Variants in PXDNL observed in about 807,000 individuals in gnomAD.
PXDNL encodes probable oxidoreductase PXDNL.
Under a neutral mutation model 150.8 loss-of-function variants are expected in PXDNL, and 145 were observed. The ratio of observed to expected loss-of-function variants is 0.96; its 90% CI spans 0.84 to 1.10. The LOEUF (loss-of-function observed/expected upper bound fraction) is 1.10, where lower values mean the gene tolerates loss of function less well. Ranked by LOEUF, PXDNL falls within the 50% of genes least tolerant of loss-of-function variation. PXDNL has a pLI of 0.00. For missense variants in PXDNL, 2,087 were observed against 1,873.9 expected (o/e 1.11, Z -2.10); for synonymous variants, 757 against 725.7 (o/e 1.04, Z -0.69).
chr8:51,619,589 A>G (rs1040259193), intron 2 of PXDNL, among the ~76,000 whole-genome samples: 1 of 152,118 alleles, frequency 6.6e-6, no homozygotes, highest in Non-Finnish European at 1.5e-5. Context: ...CATGAGATCC[A>G]GTTGTTTAAA....
At chr8:51,419,182 G>T (rs563280239) in intron 14 of PXDNL, among the ~76,000 whole-genome samples, 6 of 152,286 alleles carry the variant, frequency 3.9e-5, no homozygotes, top group Non-Finnish European at 8.8e-5. Flanking sequence ...CACTTACCTA[G>T]GAATTTCAGA....
intron 1 of PXDNL, among the ~76,000 whole-genome samples, chr8:51,788,313 GT>G (rs1204575019): frequency 6.6e-6 from 1 of 152,222 alleles, no homozygotes; most frequent in Non-Finnish European, 1.5e-5. Flanking sequence ...TGAAATCATT[GT>G]CACCCAGAAT....
rs529888995 is a variant in PXDNL, at chr8:51,471,187, A to C, written c.812+1000T>G. Reference sequence around the variant, plus strand: ...AAAAGTGAGCAAAGGATATGAACAGACACTTCTCAAAAGAAGACATTTATG... The same window carrying C: ...AAAAGTGAGCAAAGGATATGAACAGCCACTTCTCAAAAGAAGACATTTATG... On this transcript the variant is annotated intron_variant, in intron 8 of 22. Coordinates refer to ENST00000356297, the MANE Select transcript of PXDNL (RefSeq NM_144651.5). Among the ~76,000 whole-genome samples the C allele has an allele frequency of 5.5e-4, 83 of 151,968 alleles. No individual in the cohort carries two copies. The South Asian group carries it at 0.016, about 30-fold the overall frequency.
At chr8:51,717,908 G>A (rs1476412385) in intron 1 of PXDNL, among the ~76,000 whole-genome samples, 1 of 152,138 alleles carries the variant, frequency 6.6e-6, no homozygotes, top group Non-Finnish European at 1.5e-5. Flanking sequence ...TTATAAGGGG[G>A]GTTTCCAAAA....
Position 51,471,503 on chromosome 8 carries a change from T to G in PXDNL, c.812+684A>C, listed in dbSNP as rs575932618. Among the ~76,000 whole-genome samples, 92 of 152,236 alleles carry G rather than the reference T, an allele frequency of 6.0e-4. No individual in the cohort carries two copies. In the South Asian group the frequency reaches 6.6e-3, roughly 11 times the overall value. ...CCTATACTGATTTACCATAGGAAAGTTGCAATGTCAAATACGAACTATCAG... is the reference window on the plus strand; with the variant it reads ...CCTATACTGATTTACCATAGGAAAGGTGCAATGTCAAATACGAACTATCAG... On this transcript the variant is annotated intron_variant, in intron 8 of 22. Coordinates refer to ENST00000356297, the MANE Select transcript of PXDNL (RefSeq NM_144651.5).
intron 12 of PXDNL, among the ~76,000 whole-genome samples, chr8:51,428,915 C>T (rs1262158995): frequency 5.3e-5 from 1 of 18,750 alleles, no homozygotes; most frequent in African/African-American, 9.1e-5. Flanking sequence ...AAGTTATAGA[C>T]GGAGAAAATA....
intron 8 of PXDNL, among the ~76,000 whole-genome samples, chr8:51,465,532 A>G (rs766326271): frequency 6.6e-6 from 1 of 152,206 alleles, no homozygotes. Context: ...CCTATTCAAC[A>G]TAGTACTGGA....
chr8:51,515,728 G>T (rs985749885), intron 4 of PXDNL, among the ~76,000 whole-genome samples: 1 of 152,162 alleles, frequency 6.6e-6, no homozygotes, highest in Non-Finnish European at 1.5e-5. Context: ...GTTCTTACTT[G>T]TCACAAGTGG....
At chr8:51,643,766 A>C (rs1202295232) in intron 2 of PXDNL, among the ~76,000 whole-genome samples, 4 of 152,134 alleles carry the variant, frequency 2.6e-5, no homozygotes, top group Non-Finnish European at 5.9e-5. Flanking sequence ...AACCTACAGA[A>C]TGGGAGAAAA....
intron 1 of PXDNL, among the ~76,000 whole-genome samples, chr8:51,735,533 T>G (rs796386390): frequency 0.041 from 164 of 3,994 alleles, 1 homozygote; most frequent in East Asian, 0.24. Context: ...ATTGTTTTTT[T>G]TTTTTTTTTT....
At chr8:51,539,227 T>C (rs1812158064) in intron 4 of PXDNL, among the ~76,000 whole-genome samples, 1 of 152,128 alleles carries the variant, frequency 6.6e-6, no homozygotes, top group Non-Finnish European at 1.5e-5. Flanking sequence ...GAGATGTTTT[T>C]ATTATTTTTA....
At chr8:51,345,774 T>C in intron 20 of PXDNL, 59 bp downstream of exon 20, 1 of 998,206 alleles carries the variant, frequency 1.0e-6, no homozygotes. Flanking sequence ...AAACAAATTG[T>C]AGGTTTGAAG....
At chr8:51,669,535 T>C (rs928233444) in intron 1 of PXDNL, among the ~76,000 whole-genome samples, 2 of 152,176 alleles carry the variant, frequency 1.3e-5, no homozygotes, top group African/African-American at 2.4e-5. Flanking sequence ...TCTTAAGAGA[T>C]GGTTGGTTGG....
chr8:51,559,841 C>G (rs943159612), intron 3 of PXDNL, among the ~76,000 whole-genome samples: 1 of 151,834 alleles, frequency 6.6e-6, no homozygotes, highest in Admixed American at 6.6e-5. Context: ...AAGAAGAAAG[C>G]AAGAAGTCAA....
intron 19 of PXDNL, 32 bp downstream of exon 19, chr8:51,371,841 A>G (rs1161110933): frequency 2.6e-6 from 4 of 1,540,576 alleles, no homozygotes; most frequent in Non-Finnish European, 3.6e-6. Context: ...ATGCACATCA[A>G]TCCAGATCGT....
At chr8:51,540,940 G>A in intron 4 of PXDNL, among the ~76,000 whole-genome samples, 1 of 151,170 alleles carries the variant, frequency 6.6e-6, no homozygotes, top group African/African-American at 2.5e-5. Context: ...CTTGGGTGCA[G>A]ATGTTGTTAT....
Position 51,409,488 on chromosome 8 carries a change from G to A in PXDNL, c.2136C>T (p.Arg712=). ...LIANLSGCTA[R]RPLPNCSNRC... is the part of the protein sequence containing the mutation. ...GGTTGGAGCAGTTTGGCAGAGGCCT[G>A]CGAGCTGTGCATCCAGATAAATTGG... Residue 712 remains arginine (R), a synonymous_variant, in exon 17 of 23, where the codon CGC becomes CGT. Transcript: ENST00000356297. 1.2e-6 allele frequency: 2 copies of A among 1,612,252 alleles called. No homozygotes were observed. Among genetic ancestry groups the A allele is most frequent in the Non-Finnish European group, 1.7e-6 (2 of 1,179,534 alleles).
chr8:51,665,389 T>G (rs1815363032), intron 1 of PXDNL, among the ~76,000 whole-genome samples: 1 of 152,204 alleles, frequency 6.6e-6, no homozygotes, highest in South Asian at 2.1e-4. Context: ...GCATTTAGAA[T>G]AGTGGCTAAT....
intron 11 of PXDNL, 94 bp from the exon 12 acceptor site, chr8:51,447,256 T>A: frequency 7.4e-7 from 1 of 1,348,264 alleles, no homozygotes; most frequent in Non-Finnish European, 1.0e-6. Flanking sequence ...GGCCTGTCTT[T>A]CAGGAAATTC....
Sources: gnomAD v4.1 joint callset for allele counts (sites outside exome capture counted in the v4.1 genomes callset) on GRCh38, gnomAD v4.1.1 for gene constraint, MANE v1.5 for transcripts, NCBI Gene and HGNC (gene_info 2026-07-23, HGNC 2026-07-21) for gene names.